The following DDR2 variants were observed in gnomAD, a reference collection of about 807,000 sequenced individuals.
DDR2 encodes discoidin domain receptor tyrosine kinase 2.
A neutral mutation model predicts 94.9 loss-of-function variants in DDR2; 27 were observed. The observed-to-expected ratio is 0.28, with a 90% CI of 0.21 to 0.39. The LOEUF (loss-of-function observed/expected upper bound fraction) is 0.39. Ranked by LOEUF, DDR2 falls within the 10% of genes least tolerant of loss-of-function variation. The probability of loss-of-function intolerance (pLI) is 1.00; values close to 1 mark genes in which losing one functional copy is unlikely to be tolerated. For missense variants in DDR2, 783 were observed against 1,076.0 expected (o/e 0.73, Z 3.81); for synonymous variants, 382 against 377.2 (o/e 1.01, Z -0.15).
At chr1:162,664,413 A>C (rs960350562) in intron 2 of DDR2, among the ~76,000 whole-genome samples, 37 of 152,268 alleles carry the variant, frequency 2.4e-4, no homozygotes, top group African/African-American at 8.7e-4. Flanking sequence ...TACCCTGAAA[A>C]GGACAAAATC....
rs1663611400 is a variant in DDR2, at chr1:162,759,456, T to C, written c.672-340T>C. On this transcript the variant is annotated intron_variant, in intron 7 of 17. Transcript: ENST00000367921. ...AAATGCATTTGATAATATTAAGTCA[T>C]TATGTGAAGACATATTCAGTATATA... is the stretch of plus-strand genomic sequence containing the variant. Among the ~76,000 whole-genome samples, 2 of 152,204 alleles carry C rather than the reference T, an allele frequency of 1.3e-5. 1 individual carries two copies. Among genetic ancestry groups the C allele is most frequent in the South Asian group, 4.1e-4 (2 of 4,832 alleles).
intron 1 of DDR2, among the ~76,000 whole-genome samples, chr1:162,635,537 C>T (rs563175365): frequency 6.6e-6 from 1 of 152,304 alleles, no homozygotes; most frequent in East Asian, 1.9e-4. Context: ...AAATGGTGAC[C>T]TGTCCGCAAC....
chr1:162,739,835 G>C (rs1159582121), intron 3 of DDR2, among the ~76,000 whole-genome samples: 1 of 152,134 alleles, frequency 6.6e-6, no homozygotes, highest in Non-Finnish European at 1.5e-5. Context: ...GAAGAAGTAG[G>C]TGGGATATGG....
chr1:162,735,660 T>C (rs1483697076), intron 3 of DDR2, among the ~76,000 whole-genome samples: 1 of 152,150 alleles, frequency 6.6e-6, no homozygotes, highest in Non-Finnish European at 1.5e-5. Flanking sequence ...CATAGCAGAG[T>C]ATCCTATATG....
rs1183631662 is a variant in DDR2, at chr1:162,785,209, A to C, written c.*4963A>C. 2.0e-5 allele frequency: 3 copies of C among 152,154 alleles called. No individual in the cohort carries two copies. Among genetic ancestry groups the C allele is most frequent in the Non-Finnish European group, 4.4e-5 (3 of 68,020 alleles). 9.4% of individuals were successfully genotyped at this position (152,154 alleles called of 1,614,324 possible). A position where few individuals can be genotyped will look rare whatever the true frequency, so the allele number is the denominator to read the frequency against. On this transcript the variant is annotated 3_prime_UTR_variant, in exon 18 of 18. Coordinates refer to ENST00000367921, the MANE Select transcript of DDR2 (RefSeq NM_006182.4). Reference sequence around the variant, plus strand: ...AGAAAACCAGGTAGCAGGATATTCTAGATGCTTCCTGCTGCTTCTACGTGA... The same window carrying C: ...AGAAAACCAGGTAGCAGGATATTCTCGATGCTTCCTGCTGCTTCTACGTGA...
chr1:162,640,060 G>A (rs79710600), intron 1 of DDR2, among the ~76,000 whole-genome samples: 1 of 142,014 alleles, frequency 7.0e-6, no homozygotes, highest in African/African-American at 2.6e-5. Flanking sequence ...TTTTTTTTTT[G>A]AGATGAAGTC....
At position 162,646,657 on chromosome 1, in the gene DDR2, G is replaced by C. The variant is rs149035088; in HGVS notation, c.-191-8554G>C. ...GTGAAAACCTGTTTAACTGCAACTA[G>C]GAACCAGTGCTCTACAATTATCCTC... On this transcript the variant is annotated intron_variant, in intron 1 of 17. Transcript: ENST00000367921. 2.4e-3 allele frequency among the ~76,000 whole-genome samples: 368 copies of C among 152,268 alleles called. 2 individuals are homozygous for C. Among genetic ancestry groups the C allele is most frequent in the African/African-American group, 8.4e-3 (348 of 41,558 alleles).
At chr1:162,767,155 T>C in intron 10 of DDR2, 74 bp from the exon 11 acceptor site, 30 of 1,607,164 alleles carry the variant, frequency 1.9e-5, no homozygotes, top group Non-Finnish European at 2.3e-5. Context: ...CCTCCATGTT[T>C]CCAGTTCAGT....
intron 17 of DDR2, 23 bp downstream of exon 17, chr1:162,778,752 G>A: frequency 6.2e-7 from 1 of 1,613,618 alleles, no homozygotes; most frequent in African/African-American, 1.3e-5. Flanking sequence ...GGGGATGAAT[G>A]GATGTGGACC....
chr1:162,682,690 A>G (rs1021373868), intron 2 of DDR2, among the ~76,000 whole-genome samples: 1 of 152,186 alleles, frequency 6.6e-6, no homozygotes, highest in Non-Finnish European at 1.5e-5. Flanking sequence ...CAGTTTCTTC[A>G]CTTGTGAAAT....
chr1:162,764,167 C>T (rs537214696), intron 9 of DDR2, among the ~76,000 whole-genome samples: 49 of 152,240 alleles, frequency 3.2e-4, no homozygotes, highest in African/African-American at 1.1e-3. Flanking sequence ...GTAGTTATGT[C>T]ACCAATGTGA....
intron 2 of DDR2, among the ~76,000 whole-genome samples, chr1:162,664,091 G>A (rs1658431649): frequency 6.6e-6 from 1 of 152,116 alleles, no homozygotes; most frequent in African/African-American, 2.4e-5. Context: ...AAGCAACAGT[G>A]CAAAATGCGG....
intron 2 of DDR2, among the ~76,000 whole-genome samples, chr1:162,715,651 C>T (rs1345077484): frequency 6.6e-6 from 1 of 152,178 alleles, no homozygotes; most frequent in Non-Finnish European, 1.5e-5. Flanking sequence ...TAACACAAGC[C>T]TTAGGTTCAC....
chr1:162,666,043 A>G (rs904114817), intron 2 of DDR2, among the ~76,000 whole-genome samples: 2 of 152,204 alleles, frequency 1.3e-5, no homozygotes, highest in African/African-American at 2.4e-5. Context: ...ATGTTGGACA[A>G]AAACCATGAA....
chr1:162,752,985 T>C lies in DDR2; in HGVS notation c.83-110T>C, dbSNP rs921856858. ...GGGGCCATAGAGGAATTTAGGAAGA[T>C]GTAAATTCTCTTATTCCTTGTTCAA... On this transcript the variant is annotated intron_variant, in intron 3 of 17. Coordinates refer to ENST00000367921, the MANE Select transcript of DDR2 (RefSeq NM_006182.4). The C allele has an allele frequency of 8.8e-5, 83 of 939,198 alleles. 1 individual carries two copies. Among genetic ancestry groups the C allele is most frequent in the South Asian group, 5.3e-4 (39 of 73,240 alleles). 58.2% of individuals were successfully genotyped at this position (939,198 alleles called of 1,614,324 possible).
intron 7 of DDR2, among the ~76,000 whole-genome samples, chr1:162,757,921 A>T (rs1445900889): frequency 6.6e-6 from 1 of 152,200 alleles, no homozygotes; most frequent in Non-Finnish European, 1.5e-5. Flanking sequence ...TGACAGTCTA[A>T]GTGACTGAAA....
At chr1:162,725,152 T>C (rs1034226208) in intron 3 of DDR2, among the ~76,000 whole-genome samples, 1 of 152,118 alleles carries the variant, frequency 6.6e-6, no homozygotes, top group Non-Finnish European at 1.5e-5. Flanking sequence ...AATAATCTTA[T>C]TAGTATTAGT....
intron 3 of DDR2, among the ~76,000 whole-genome samples, chr1:162,739,307 C>G (rs1265127869): frequency 6.6e-6 from 1 of 151,948 alleles, no homozygotes; most frequent in Non-Finnish European, 1.5e-5. Flanking sequence ...AGGACATGAA[C>G]AGACACTTCT....
intron 5 of DDR2, 88 bp from the exon 6 acceptor site, chr1:162,755,068 G>A: frequency 1.3e-6 from 2 of 1,575,450 alleles, no homozygotes; most frequent in South Asian, 2.2e-5. Context: ...GAATTAAGAA[G>A]AGAGAGTCCA....
Sources: gnomAD v4.1 joint callset for allele counts (sites outside exome capture counted in the v4.1 genomes callset) on GRCh38, gnomAD v4.1.1 for gene constraint, MANE v1.5 for transcripts, NCBI Gene and HGNC (gene_info 2026-07-23, HGNC 2026-07-21) for gene names.